The following APP variants were observed in gnomAD, a reference collection of about 807,000 sequenced individuals.
APP encodes amyloid-beta precursor protein.
In APP, 31 loss-of-function variants were observed where a neutral mutation model predicts 101.4. The ratio of observed to expected loss-of-function variants is 0.31; its 90% confidence interval spans 0.23 to 0.41. The LOEUF is 0.41. APP is among the 10% of genes least tolerant of loss of function. APP has a pLI of 1.00. For missense variants in APP, 839 were observed against 1,003.7 expected, an observed-to-expected ratio of 0.84 and a Z score of 2.22; for synonymous variants, 366 against 364.4, an observed-to-expected ratio of 1.00 and a Z score of -0.05.
intron 6 of APP, among the ~76,000 whole-genome samples, chr21:26,005,085 C>T (rs945557244): frequency 2.0e-5 from 3 of 151,954 alleles, no homozygotes; most frequent in African/African-American, 7.3e-5. Flanking sequence ...CAAGTCTTTG[C>T]TATTGAAAAG....
chr21:26,004,794 C>T (rs2043452178), intron 6 of APP, among the ~76,000 whole-genome samples: 2 of 147,902 alleles, frequency 1.4e-5, no homozygotes, highest in African/African-American at 5.0e-5. Context: ...GATGCTTTCC[C>T]TCCCCCAACC....
chr21:25,886,198 T>C (rs745954867), intron 17 of APP, among the ~76,000 whole-genome samples: 22 of 150,946 alleles, frequency 1.5e-4, no homozygotes, highest in Non-Finnish European at 3.0e-4. Context: ...GCAAAGAAAA[T>C]AGGAAGTTTT....
At chr21:25,882,189 C>G (rs1007160152) in intron 17 of APP, among the ~76,000 whole-genome samples, 3 of 151,600 alleles carry the variant, frequency 2.0e-5, no homozygotes, top group Non-Finnish European at 2.9e-5. Context: ...GAGGGAGATT[C>G]AGCAAAGTAT....
chr21:25,941,071 G>A (rs746690971), intron 13 of APP, among the ~76,000 whole-genome samples: 14 of 152,218 alleles, frequency 9.2e-5, no homozygotes, highest in Non-Finnish European at 2.1e-4. Context: ...ATGCACATGA[G>A]ATTTGATACA....
chr21:25,928,462 C>T (rs2039998976), intron 13 of APP, among the ~76,000 whole-genome samples: 1 of 152,114 alleles, frequency 6.6e-6, no homozygotes, highest in Non-Finnish European at 1.5e-5. Context: ...ACACACATAT[C>T]TTCTTGTTTT....
At chr21:26,076,863 A>C (rs1049966050) in intron 3 of APP, among the ~76,000 whole-genome samples, 2 of 152,106 alleles carry the variant, frequency 1.3e-5, no homozygotes, top group South Asian at 2.1e-4. Flanking sequence ...GGAGATGGAG[A>C]CCATCCTGGC....
chr21:26,065,558 G>A (rs2046424653), intron 3 of APP, among the ~76,000 whole-genome samples: 1 of 152,076 alleles, frequency 6.6e-6, no homozygotes. Flanking sequence ...AAACTAACTG[G>A]TCAGAGAATT....
chr21:26,128,482 T>C (rs1312462507), intron 1 of APP, among the ~76,000 whole-genome samples: 2 of 152,246 alleles, frequency 1.3e-5, no homozygotes, highest in Admixed American at 6.5e-5. Context: ...AAATTTGTTA[T>C]TGCATGCTTA....
intron 3 of APP, among the ~76,000 whole-genome samples, chr21:26,081,891 A>T (rs2061606139): frequency 6.6e-6 from 1 of 152,176 alleles, no homozygotes; most frequent in African/African-American, 2.4e-5. Context: ...ATTTCATGTG[A>T]TCATATCTGA....
chr21:26,118,745 G>C (rs1196058473), intron 1 of APP, among the ~76,000 whole-genome samples: 1 of 152,014 alleles, frequency 6.6e-6, no homozygotes, highest in Admixed American at 6.5e-5. Flanking sequence ...GTAGAGACGG[G>C]TTTTTGCCAT....
intron 8 of APP, among the ~76,000 whole-genome samples, chr21:25,984,040 G>C (rs954275086): frequency 6.6e-6 from 1 of 152,158 alleles, no homozygotes; most frequent in Non-Finnish European, 1.5e-5. Flanking sequence ...GGGAAAATGA[G>C]ATACCATACC....
intron 1 of APP, among the ~76,000 whole-genome samples, chr21:26,130,726 G>C (rs2062777249): frequency 6.6e-6 from 1 of 152,136 alleles, no homozygotes; most frequent in Non-Finnish European, 1.5e-5. Flanking sequence ...CGTCAGGTCT[G>C]GACAGCACCA....
At chr21:26,106,472 T>C (rs2062185678) in intron 2 of APP, among the ~76,000 whole-genome samples, 1 of 152,128 alleles carries the variant, frequency 6.6e-6, no homozygotes, top group Non-Finnish European at 1.5e-5. Flanking sequence ...AGATGTTCCC[T>C]CCCCTTTCCA....
chr21:26,024,413 C>T (rs1329460889), intron 5 of APP, among the ~76,000 whole-genome samples: 3 of 152,086 alleles, frequency 2.0e-5, no homozygotes, highest in Non-Finnish European at 4.4e-5. Flanking sequence ...TGATAGGAAC[C>T]CGGGATTTGT....
At chr21:25,982,838 A>C (rs912734671) in intron 8 of APP, among the ~76,000 whole-genome samples, 1 of 152,224 alleles carries the variant, frequency 6.6e-6, no homozygotes, top group Non-Finnish European at 1.5e-5. Context: ...TGCAATTTTG[A>C]AAGTAAATGA....
rs1370945190 is a variant in APP at position 25,971,216 on chromosome 21, T to G, written c.1458+3854A>C. Among the ~76,000 whole-genome samples, 3 of 91,406 alleles carry G rather than the reference T, an allele frequency of 3.3e-5. No individual in the cohort carries two copies. The East Asian group carries it at 9.9e-4, about 30-fold the overall frequency. The allele number at this position is 91,406 out of a possible 152,430, so 60.0% of individuals were successfully genotyped here. ...GTGTGCGCCACCACACCTGGCTAATTTTTTGTATTTTTAGTAGAGACGGGG... is the reference window on the plus strand; with the variant it reads ...GTGTGCGCCACCACACCTGGCTAATGTTTTGTATTTTTAGTAGAGACGGGG... On this transcript the variant is annotated intron_variant, in intron 11 of 17. Coordinates refer to ENST00000346798, the MANE Select transcript of APP (RefSeq NM_000484.4).
intron 13 of APP, chr21:25,942,898 TG>T (rs2040637697): frequency 6.6e-6 from 1 of 152,268 alleles, no homozygotes; most frequent in African/African-American, 2.4e-5. Context: ...TCTTCCCCAC[TG>T]AACTATTTTC....
At chr21:26,168,356 T>C (rs1214699278) in intron 1 of APP, among the ~76,000 whole-genome samples, 1 of 152,150 alleles carries the variant, frequency 6.6e-6, no homozygotes, top group African/African-American at 2.4e-5. Flanking sequence ...GAGAACCAGA[T>C]AAACCACCCT....
At chr21:25,951,220 T>A (rs1167804534) in intron 13 of APP, among the ~76,000 whole-genome samples, 1 of 152,220 alleles carries the variant, frequency 6.6e-6, no homozygotes, top group Non-Finnish European at 1.5e-5. Context: ...ATGTCAATTT[T>A]CCCCTTCACC....
Sources: gnomAD v4.1 joint callset for allele counts (sites outside exome capture counted in the v4.1 genomes callset) on GRCh38, gnomAD v4.1.1 for gene constraint, MANE v1.5 for transcripts, NCBI Gene and HGNC (gene_info 2026-07-23, HGNC 2026-07-21) for gene names.